PCDH11Y: variants seen among roughly 807,000 people sequenced by gnomAD.
The protein encoded by PCDH11Y is protocadherin-11 Y-linked.
For missense variants in PCDH11Y, 12 were observed against 224.8 expected (o/e 0.05, Z 6.05); for synonymous variants, 9 against 83.6 (o/e 0.11, Z 4.87).
intron 2 of PCDH11Y, among the ~76,000 whole-genome samples, chrY:5,399,944 A>G (rs2053231224): frequency 6.1e-5 from 2 of 33,052 alleles, no homozygotes; most frequent in South Asian, 7.0e-4. Flanking sequence ...TATATAAGGA[A>G]TAGCCATTAA....
intron 1 of PCDH11Y, among the ~76,000 whole-genome samples, chrY:5,010,175 C>A: frequency 3.7e-5 from 1 of 26,981 alleles, no homozygotes; most frequent in South Asian, 1.0e-3. Context: ...CCACTACACT[C>A]CAGGCTGGCG....
chrY:5,532,293 G>A, intron 3 of PCDH11Y, among the ~76,000 whole-genome samples: 3 of 27,867 alleles, frequency 1.1e-4, no homozygotes, highest in Admixed American at 6.7e-4. Flanking sequence ...CTCCATATCC[G>A]TGTTTATATT....
chrY:5,470,617 A>G, intron 2 of PCDH11Y, among the ~76,000 whole-genome samples: 1 of 30,552 alleles, frequency 3.3e-5, no homozygotes, highest in East Asian at 8.6e-4. Flanking sequence ...AATTTCATTT[A>G]TGTTTTTTTT....
chrY:5,469,297 G>T, intron 2 of PCDH11Y, among the ~76,000 whole-genome samples: 1 of 32,884 alleles, frequency 3.0e-5, no homozygotes, highest in Admixed American at 2.8e-4. Context: ...TGTATTACTT[G>T]TATCGATCTC....
upstream of PCDH11Y, among the ~76,000 whole-genome samples, chrY:5,054,105 G>C (rs2124627501): frequency 3.2e-5 from 1 of 31,255 alleles, no homozygotes; most frequent in African/African-American, 1.3e-4. Context: ...AACAGATTTA[G>C]AATGGATTGA....
chrY:5,546,501 C>T, intron 3 of PCDH11Y, among the ~76,000 whole-genome samples: 2 of 31,232 alleles, frequency 6.4e-5, no homozygotes, highest in East Asian at 1.7e-3. Context: ...ACCTTCTTTC[C>T]TGGTTGCTCC....
intron 2 of PCDH11Y, among the ~76,000 whole-genome samples, chrY:5,388,016 G>A: frequency 6.5e-5 from 2 of 30,708 alleles, no homozygotes; most frequent in Non-Finnish European, 1.6e-4. Flanking sequence ...CACTCCCACC[G>A]TGCCCCCCAC....
intron 3 of PCDH11Y, among the ~76,000 whole-genome samples, chrY:5,543,151 T>G: frequency 3.0e-5 from 1 of 33,338 alleles, no homozygotes; most frequent in East Asian, 8.1e-4. Context: ...AATGACTACT[T>G]TCCCAGAGTT....
At chrY:5,060,680 C>T in intron 1 of PCDH11Y, among the ~76,000 whole-genome samples, 2 of 27,957 alleles carry the variant, frequency 7.2e-5, no homozygotes. Flanking sequence ...AGATAACCTT[C>T]AGAGCAGGAT....
At chrY:5,139,514 C>A in intron 2 of PCDH11Y, among the ~76,000 whole-genome samples, 7 of 31,451 alleles carry the variant, frequency 2.2e-4, no homozygotes, top group African/African-American at 8.8e-4. Context: ...CCAAAACACT[C>A]CTAGATTTTA....
chrY:5,033,906 CCTT>C (rs190797744), intron 3 of PCDH11Y, among the ~76,000 whole-genome samples: 5 of 32,633 alleles, frequency 1.5e-4, no homozygotes, highest in African/African-American at 6.0e-4. Context: ...ACCTTTCATT[CCTT>C]CAAGTTTTCC....
At position 5,496,510 on chromosome Y, in the gene PCDH11Y, T is replaced by C. The variant is rs371579823; in HGVS notation, c.3130-4547T>C. Among the ~76,000 whole-genome samples the C allele has an allele frequency of 4.5e-3, 150 of 33,034 alleles. No homozygotes were observed. In the South Asian group the frequency reaches 0.1, roughly 22 times the overall value. The allele number at this position is 33,034 out of a possible 37,273, so 88.6% of individuals were successfully genotyped here. On this transcript the variant is annotated intron_variant, in intron 2 of 4. Coordinates refer to the PCDH11Y transcript ENST00000400457. The stretch of plus-strand genomic sequence containing the variant: ...TAGTTGAGAAAGAGACTGTATCATA[T>C]GGCCCACAAAGCCTAAAATATTTAC...
chrY:5,736,675 G>T (rs2053609648), intron 4 of PCDH11Y, among the ~76,000 whole-genome samples: 1 of 32,192 alleles, frequency 3.1e-5, no homozygotes, highest in African/African-American at 1.2e-4. Context: ...TAAATACTTG[G>T]ATCTCTAGTT....
chrY:5,552,676 A>G, intron 3 of PCDH11Y, among the ~76,000 whole-genome samples: 3 of 33,232 alleles, frequency 9.0e-5, no homozygotes, highest in Non-Finnish European at 2.2e-4. Context: ...AGTATGAAAA[A>G]GTGATTGAGT....
chrY:5,086,147 C>T, intron 1 of PCDH11Y, among the ~76,000 whole-genome samples: 7 of 29,290 alleles, frequency 2.4e-4, no homozygotes, highest in African/African-American at 9.5e-4. Flanking sequence ...TTTCAAATAC[C>T]CTGTCTTCAA....
At chrY:5,447,593 C>T (rs1418498679) in intron 2 of PCDH11Y, among the ~76,000 whole-genome samples, 270 of 32,361 alleles carry the variant, frequency 8.3e-3, no homozygotes, top group Middle Eastern at 0.043. Context: ...TTTTATCAAG[C>T]GTTCAATTTC....
At chrY:5,192,046 A>G (rs2124648460) in intron 2 of PCDH11Y, among the ~76,000 whole-genome samples, 1 of 32,819 alleles carries the variant, frequency 3.0e-5, no homozygotes, top group East Asian at 8.4e-4. Context: ...CAGCAGCGTC[A>G]TTAAATTCTC....
intron 2 of PCDH11Y, chrY:5,207,513 A>C: frequency 2.9e-6 from 1 of 343,055 alleles, no homozygotes; most frequent in Non-Finnish European, 4.3e-6. Flanking sequence ...CTGTCCCGTC[A>C]TTCACATTAG....
At chrY:5,001,908 G>C in intron 1 of PCDH11Y, among the ~76,000 whole-genome samples, 4 of 33,668 alleles carry the variant, frequency 1.2e-4, no homozygotes, top group Non-Finnish European at 2.9e-4. Context: ...CTGCGGCTTA[G>C]GGTGTGGGGC....
Sources: gnomAD v4.1 joint callset for allele counts (sites outside exome capture counted in the v4.1 genomes callset) on GRCh38, gnomAD v4.1.1 for gene constraint, MANE v1.5 for transcripts, NCBI Gene and HGNC (gene_info 2026-07-23, HGNC 2026-07-21) for gene names.